GTF2A1: variants seen among roughly 807,000 people sequenced by gnomAD.
The protein encoded by GTF2A1 is general transcription factor IIA subunit 1.
A neutral mutation model predicts 54.1 loss-of-function variants in GTF2A1; 12 were observed. The observed-to-expected ratio is 0.22, with a 90% confidence interval of 0.14 to 0.36. The LOEUF is 0.36. GTF2A1 is among the 10% of genes least tolerant of loss of function. GTF2A1 has a pLI of 1.00. For missense variants in GTF2A1, 335 were observed against 442.2 expected (o/e 0.76, Z 2.17); for synonymous variants, 145 against 152.0 (o/e 0.95, Z 0.34).
chr14:81,186,792 TA>T (rs1391709595), intron 7 of GTF2A1, among the ~76,000 whole-genome samples: 1 of 151,286 alleles, frequency 6.6e-6, no homozygotes, highest in African/African-American at 2.4e-5. Context: ...CTACAAAAAA[TA>T]AAAAAAATTA....
chr14:81,177,523 T>C lies in GTF2A1; in HGVS notation c.*2700A>G, dbSNP rs1205342394. ...TCTTGTAATTTTGTGTAAATTTTCC[T>C]TAGCACTGTTGATTAATGTTAATTT... On this transcript the variant is annotated 3_prime_UTR_variant, in exon 9 of 9. Transcript: ENST00000553612. 1 of 152,172 alleles carries C rather than the reference T, an allele frequency of 6.6e-6. No individual in the cohort carries two copies. Among genetic ancestry groups the C allele is most frequent in the Non-Finnish European group, 1.5e-5 (1 of 67,962 alleles). 9.4% of individuals were successfully genotyped at this position (152,172 alleles called of 1,614,324 possible). A position where few individuals can be genotyped will look rare whatever the true frequency, so the allele number is the denominator to read the frequency against.
chr14:81,204,419 G>T (rs949047178), intron 2 of GTF2A1: 8 of 395,018 alleles, frequency 2.0e-5, no homozygotes, highest in Admixed American at 1.9e-4. Flanking sequence ...AACTTCTTTA[G>T]TAATCAAAGA....
intron 8 of GTF2A1, among the ~76,000 whole-genome samples, chr14:81,181,193 G>C (rs1397257233): frequency 6.6e-6 from 1 of 152,162 alleles, no homozygotes; most frequent in Non-Finnish European, 1.5e-5. Flanking sequence ...CCATGGATTT[G>C]GTGGGGGAGA....
In GTF2A1 at chr14:81,177,081, T is replaced by C. The variant is rs1413085555; in HGVS notation, c.*3142A>G. On this transcript the variant is annotated 3_prime_UTR_variant, in exon 9 of 9. Transcript: ENST00000553612. ...AAAAAAAAATCTGTGACTTTCATTA[T>C]AGCAAAAGAAAATATTCATATAAAA... The C allele has an allele frequency of 2.6e-5, 4 of 152,114 alleles. No individual in the cohort carries two copies. Among genetic ancestry groups the C allele is most frequent in the Non-Finnish European group, 5.9e-5 (4 of 67,948 alleles). The allele number at this position is 152,114 out of a possible 1,614,324, so 9.4% of individuals were successfully genotyped here.
intron 4 of GTF2A1, among the ~76,000 whole-genome samples, chr14:81,198,275 T>C (rs1893032497): frequency 6.6e-6 from 1 of 152,052 alleles, no homozygotes; most frequent in South Asian, 2.1e-4. Flanking sequence ...TGAAATCCCA[T>C]TTCTACAAAA....
intron 7 of GTF2A1, among the ~76,000 whole-genome samples, chr14:81,186,600 T>G (rs1205903777): frequency 1.3e-5 from 2 of 152,164 alleles, no homozygotes; most frequent in Non-Finnish European, 2.9e-5. Context: ...TAACTGAGAT[T>G]TCTAATAAAT....
intron 1 of GTF2A1, among the ~76,000 whole-genome samples, chr14:81,216,876 T>C (rs2140044423): frequency 6.6e-6 from 1 of 152,344 alleles, no homozygotes; most frequent in East Asian, 1.9e-4. Flanking sequence ...TTGTATGTCT[T>C]ACTACCTCAC....
At chr14:81,187,494 C>A (rs1313184824) in intron 7 of GTF2A1, among the ~76,000 whole-genome samples, 1 of 152,186 alleles carries the variant, frequency 6.6e-6, no homozygotes, top group African/African-American at 2.4e-5. Flanking sequence ...CAGAACATTT[C>A]ATCACTCTTA....
At chr14:81,193,706 T>C (rs1892926878) in intron 6 of GTF2A1, among the ~76,000 whole-genome samples, 1 of 152,198 alleles carries the variant, frequency 6.6e-6, no homozygotes, top group South Asian at 2.1e-4. Context: ...CTGAAGTTCC[T>C]TTCCAGGTTC....
Position 81,179,839 on chromosome 14 carries a change from T to C in GTF2A1, c.*384A>G, listed in dbSNP as rs1450641139. 1 of 154,638 alleles carries C rather than the reference T, an allele frequency of 6.5e-6. No individual in the cohort carries two copies. Among genetic ancestry groups the C allele is most frequent in the African/African-American group, 2.4e-5 (1 of 41,572 alleles). The allele number at this position is 154,638 out of a possible 1,614,324, so 9.6% of individuals were successfully genotyped here. Reference sequence around the variant, plus strand: ...AACCACATACAATAAGCAGTTTCAGTTCAATCTATCAAAAGGGAAGTTTCT... The same window carrying C: ...AACCACATACAATAAGCAGTTTCAGCTCAATCTATCAAAAGGGAAGTTTCT... On this transcript the variant is annotated 3_prime_UTR_variant, in exon 9 of 9. Coordinates refer to ENST00000553612, the MANE Select transcript of GTF2A1 (RefSeq NM_015859.4).
upstream of GTF2A1, chr14:81,221,128 A>C (rs1190978065): frequency 6.6e-6 from 1 of 152,276 alleles, no homozygotes. Flanking sequence ...CGGGGAGTGA[A>C]GTAGTGAAAT....
rs768726963 is a variant in GTF2A1, at chr14:81,192,582, GTCT to G, written c.867_869del (p.Glu289del). On this transcript the variant is annotated inframe_deletion, in exon 7 of 9. Transcript: ENST00000553612. ...TGTCTTCCTCCTCATCATCATCATA[GTCT>G]TCTTCTTCATCTTCATCTTCTTCAG... is the stretch of plus-strand genomic sequence containing the variant. 1.3e-5 allele frequency: 21 copies of G among 1,613,140 alleles called. No homozygotes were observed. The highest frequency in any genetic ancestry group is 8.3e-5 in the Admixed American group (5 of 60,008).
intron 8 of GTF2A1, among the ~76,000 whole-genome samples, chr14:81,185,096 A>G (rs989545881): frequency 2.0e-5 from 3 of 151,856 alleles, no homozygotes; most frequent in African/African-American, 7.3e-5. Flanking sequence ...GTTTGTTTTT[A>G]GCACTGTTCA....
At chr14:81,196,730 A>G (rs1311545556) in intron 5 of GTF2A1, among the ~76,000 whole-genome samples, 1 of 152,228 alleles carries the variant, frequency 6.6e-6, no homozygotes, top group East Asian at 1.9e-4. Flanking sequence ...TCATTGTCAT[A>G]CAATTCACAC....
intron 8 of GTF2A1, 65 bp downstream of exon 8, chr14:81,185,466 A>G: frequency 1.1e-6 from 1 of 903,360 alleles, no homozygotes; most frequent in Non-Finnish European, 1.8e-6. Context: ...ATAAGGCAGA[A>G]AGAATAATGT....
chr14:81,203,767 G>A (rs938835896), intron 3 of GTF2A1, 133 bp downstream of exon 3: 3 of 689,576 alleles, frequency 4.4e-6, no homozygotes, highest in Non-Finnish European at 7.5e-6. Context: ...TCAACAGAGG[G>A]GTTTTTGTTT....
chr14:81,202,721 G>A (rs762016332), intron 3 of GTF2A1: 6 of 517,988 alleles, frequency 1.2e-5, no homozygotes, highest in African/African-American at 9.6e-5. Flanking sequence ...AAATTTCAGA[G>A]AACAGATAAC....
intron 4 of GTF2A1, among the ~76,000 whole-genome samples, chr14:81,199,126 AC>A (rs1474481067): frequency 6.6e-6 from 1 of 152,226 alleles, no homozygotes; most frequent in Non-Finnish European, 1.5e-5. Flanking sequence ...AAAGAAAAAA[AC>A]AAAAATATTT....
intron 7 of GTF2A1, among the ~76,000 whole-genome samples, chr14:81,190,176 C>T (rs1463459840): frequency 6.7e-6 from 1 of 150,370 alleles, no homozygotes; most frequent in Non-Finnish European, 1.5e-5. Context: ...CAAACAGAAA[C>T]AAAATACTTG....
Sources: gnomAD v4.1 joint callset for allele counts (sites outside exome capture counted in the v4.1 genomes callset) on GRCh38, gnomAD v4.1.1 for gene constraint, MANE v1.5 for transcripts, NCBI Gene and HGNC (gene_info 2026-07-23, HGNC 2026-07-21) for gene names.